Variants in MYO5A observed in about 807,000 individuals in gnomAD.
The protein encoded by MYO5A is myosin VA.
MYO5A carries 98 observed loss-of-function variants against 249.7 expected under a neutral mutation model. That is an observed-to-expected ratio of 0.39 (90% confidence interval 0.33 to 0.46). The LOEUF is 0.46. MYO5A is among the 20% of genes least tolerant of loss of function. MYO5A has a pLI of 0.98. For synonymous variants in MYO5A, 778 were observed against 810.6 expected (o/e 0.96, Z 0.68); for missense variants, 1,696 against 2,308.8 (o/e 0.73, Z 5.44).
chr15:52,356,008 A>C (rs2040200977), intron 25 of MYO5A, among the ~76,000 whole-genome samples: 1 of 152,190 alleles, frequency 6.6e-6, no homozygotes, highest in African/African-American at 2.4e-5. Flanking sequence ...GAAACAACTA[A>C]CCATCATAAT....
At chr15:52,512,038 C>CT (rs1491110202) in intron 1 of MYO5A, among the ~76,000 whole-genome samples, 13 of 151,916 alleles carry the variant, frequency 8.6e-5, no homozygotes, top group African/African-American at 2.7e-4. Flanking sequence ...TGGCAGGCGC[C>CT]TGTAGTCCCA....
chr15:52,365,519 C>T (rs1453175343), intron 23 of MYO5A, among the ~76,000 whole-genome samples: 1 of 152,178 alleles, frequency 6.6e-6, no homozygotes, highest in Non-Finnish European at 1.5e-5. Flanking sequence ...TAAGCTTCTA[C>T]CACTTTGCTC....
intron 1 of MYO5A, among the ~76,000 whole-genome samples, chr15:52,501,273 A>G (rs2077153841): frequency 6.6e-6 from 1 of 152,122 alleles, no homozygotes; most frequent in Non-Finnish European, 1.5e-5. Flanking sequence ...GCCCAGCCAG[A>G]AAACGTTTTT....
chr15:52,516,597 G>C (rs148153852), intron 1 of MYO5A, among the ~76,000 whole-genome samples: 65 of 152,298 alleles, frequency 4.3e-4, no homozygotes, highest in Middle Eastern at 3.4e-3. Flanking sequence ...ACACGGCAAT[G>C]ACCTGAAGGC....
chr15:52,499,879 T>C (rs1056809690), intron 1 of MYO5A, among the ~76,000 whole-genome samples: 8 of 152,016 alleles, frequency 5.3e-5, no homozygotes, highest in African/African-American at 1.9e-4. Context: ...ATATGGTAAT[T>C]ATCAGTTTAA....
rs1466853527 is a variant in MYO5A, at chr15:52,336,570, A to G, written c.4315-14T>C. The stretch of plus-strand genomic sequence containing the variant: ...TTCCATCAAATCCTAAAGATCAAAA[A>G]GAGAAATATATTAGAAAAATCGAAA... On this transcript the variant is annotated splice_polypyrimidine_tract_variant and intron_variant, in intron 33 of 41. Coordinates refer to ENST00000399233, the MANE Select transcript of MYO5A (RefSeq NM_001382347.1). The G allele has an allele frequency of 2.6e-6, 4 of 1,568,148 alleles. No individual in the cohort carries two copies. Among genetic ancestry groups the G allele is most frequent in the Non-Finnish European group, 3.5e-6 (4 of 1,146,786 alleles).
intron 5 of MYO5A, among the ~76,000 whole-genome samples, chr15:52,411,569 G>C (rs757129573): frequency 2.7e-5 from 4 of 150,942 alleles, no homozygotes; most frequent in Non-Finnish European, 4.4e-5. Flanking sequence ...AGAAAACCAA[G>C]TGTTTACATA....
At chr15:52,528,406 T>C (rs1447212735) in intron 1 of MYO5A, among the ~76,000 whole-genome samples, 1 of 152,200 alleles carries the variant, frequency 6.6e-6, no homozygotes, top group Non-Finnish European at 1.5e-5. Flanking sequence ...CCATCCGATC[T>C]ACTGGAGCAA....
At chr15:52,397,724 C>T (rs550915005) in intron 9 of MYO5A, among the ~76,000 whole-genome samples, 36 of 152,286 alleles carry the variant, frequency 2.4e-4, no homozygotes, top group African/African-American at 8.4e-4. Context: ...TTGTTTGTAT[C>T]TCTCTTAAAG....
intron 4 of MYO5A, among the ~76,000 whole-genome samples, chr15:52,417,776 C>G (rs2043578945): frequency 6.6e-6 from 1 of 152,192 alleles, no homozygotes; most frequent in Non-Finnish European, 1.5e-5. Context: ...CCTCCTACTA[C>G]TGAATGACCT....
chr15:52,318,643 A>T (rs1010648276), intron 39 of MYO5A, among the ~76,000 whole-genome samples: 1 of 152,144 alleles, frequency 6.6e-6, no homozygotes, highest in Non-Finnish European at 1.5e-5. Context: ...GTATTTTTCC[A>T]AAAATATATT....
intron 40 of MYO5A, among the ~76,000 whole-genome samples, chr15:52,314,712 A>G (rs978057485): frequency 3.3e-5 from 5 of 152,258 alleles, no homozygotes; most frequent in Non-Finnish European, 7.3e-5. Context: ...CATAAATAAC[A>G]TGAATAACAA....
At chr15:52,319,598 G>T (rs1368721676) in intron 38 of MYO5A, among the ~76,000 whole-genome samples, 1 of 152,174 alleles carries the variant, frequency 6.6e-6, no homozygotes, top group East Asian at 1.9e-4. Flanking sequence ...AGGCGTGGTA[G>T]CGTGTGCCTG....
At chr15:52,472,080 AT>A (rs71130164) in intron 1 of MYO5A, among the ~76,000 whole-genome samples, 129,403 of 139,640 alleles carry the variant, frequency 0.93, 60,459 homozygotes, top group South Asian at 0.99. Context: ...TTATCCTGAC[AT>A]TTTTTTTTTT....
At chr15:52,438,547 CTGGGAAGGTGACCA>C (rs1446213847) in intron 1 of MYO5A, among the ~76,000 whole-genome samples, 1 of 152,210 alleles carries the variant, frequency 6.6e-6, no homozygotes, top group East Asian at 1.9e-4. Context: ...CTAAGCCTAG[CTGGGAAGGTGACCA>C]CGTCCACCTT....
chr15:52,358,593 C>A (rs1055504053), intron 25 of MYO5A, among the ~76,000 whole-genome samples: 1 of 152,100 alleles, frequency 6.6e-6, no homozygotes, highest in Non-Finnish European at 1.5e-5. Context: ...CTCTAAGAGG[C>A]CTGGCATCTT....
intron 1 of MYO5A, among the ~76,000 whole-genome samples, chr15:52,471,592 A>AACACAC (rs111751236): frequency 0.3 from 43,914 of 144,586 alleles, 6,941 homozygotes; most frequent in East Asian, 0.51. Context: ...CTGTCTCTAA[A>AACACAC]ACACACACAC....
intron 1 of MYO5A, among the ~76,000 whole-genome samples, chr15:52,518,657 T>G (rs1432520259): frequency 6.6e-6 from 1 of 152,196 alleles, no homozygotes; most frequent in Non-Finnish European, 1.5e-5. Context: ...TAAGGTGAGA[T>G]CATATCTTTA....
chr15:52,438,061 C>A (rs2075704037), intron 1 of MYO5A: 3 of 985,100 alleles, frequency 3.0e-6, no homozygotes, highest in Admixed American at 1.2e-4. Flanking sequence ...TCCATCTTAA[C>A]CAATGAGATC....
Sources: gnomAD v4.1 joint callset for allele counts (sites outside exome capture counted in the v4.1 genomes callset) on GRCh38, gnomAD v4.1.1 for gene constraint, MANE v1.5 for transcripts, NCBI Gene and HGNC (gene_info 2026-07-23, HGNC 2026-07-21) for gene names.